RBM6: variants seen among roughly 807,000 people sequenced by gnomAD.
RBM6 encodes RNA-binding protein 6.
Under a neutral mutation model 140.4 loss-of-function variants are expected in RBM6, and 23 were observed. The observed-to-expected ratio is 0.16, with a 90% confidence interval of 0.12 to 0.23. The LOEUF (loss-of-function observed/expected upper bound fraction) is 0.23, where lower values mean the gene tolerates loss of function less well. Ranked by LOEUF, RBM6 falls within the 10% of genes least tolerant of loss-of-function variation. The pLI is 1.00. For synonymous variants in RBM6, 439 were observed against 475.6 expected (o/e 0.92, Z 1.00); for missense variants, 1,139 against 1,386.7 (o/e 0.82, Z 2.84).
rs779354599 is a variant in RBM6 at position 50,058,417 on chromosome 3, G to A, written c.1985G>A (p.Arg662His). Residue 662 changes from arginine (R) to histidine (H), a missense_variant, in exon 10 of 21, where the codon CGT becomes CAT. Coordinates refer to ENST00000266022, the MANE Select transcript of RBM6 (RefSeq NM_005777.3). Reference sequence around the variant, plus strand: ...GTTGATTCAGCTATCATGCTAAAGCGTATCTATCGTTCCACACCACCTGAG... The same window carrying A: ...GTTGATTCAGCTATCATGCTAAAGCATATCTATCGTTCCACACCACCTGAG... Reference protein sequence around the residue: ...DGESKTIMLKRIYRSTPPEVI... With the variant: ...DGESKTIMLKHIYRSTPPEVI... 1.2e-5 allele frequency: 20 copies of A among 1,610,266 alleles called. No homozygotes were observed. Among genetic ancestry groups the A allele is most frequent in the South Asian group, 4.4e-5 (4 of 91,014 alleles).
rs1334791047 is a variant in RBM6, at chr3:50,061,245, T to C, written c.2353+24T>C. 1.9e-6 allele frequency: 3 copies of C among 1,613,440 alleles called. No individual in the cohort carries two copies. The Admixed American group carries it at 5.0e-5, about 27-fold the overall frequency. ...GTGTAAGTAACCTTTGTTTTATTTC[T>C]GTTGCTCTTTTTTGCTTGACTTGCT... On this transcript the variant is annotated intron_variant, in intron 13 of 20. Transcript: ENST00000266022.
intron 5 of RBM6, among the ~76,000 whole-genome samples, chr3:49,979,272 G>A (rs1459025068): frequency 6.6e-6 from 1 of 152,126 alleles, no homozygotes; most frequent in Non-Finnish European, 1.5e-5. Flanking sequence ...GGCTAAGCGG[G>A]AATGGGGAAC....
chr3:50,007,152 G>C (rs2086619568), intron 6 of RBM6, among the ~76,000 whole-genome samples: 1 of 150,880 alleles, frequency 6.6e-6, no homozygotes, highest in Admixed American at 6.6e-5. Flanking sequence ...GATTGATACG[G>C]ATTATCAGGG....
chr3:49,943,627 A>G (rs34771612), intron 1 of RBM6, among the ~76,000 whole-genome samples: 4,892 of 151,362 alleles, frequency 0.032, 275 homozygotes, highest in African/African-American at 0.11. Flanking sequence ...TTTTATTTTA[A>G]TTTTTTTGTG....
chr3:50,042,191 C>T (rs997567112), intron 6 of RBM6, among the ~76,000 whole-genome samples: 3 of 152,190 alleles, frequency 2.0e-5, no homozygotes, highest in Non-Finnish European at 4.4e-5. Context: ...TTGGAAGAAA[C>T]ACAAAACAAT....
At position 50,041,292 on chromosome 3, in the gene RBM6, T is replaced by A. The variant is rs566406678; in HGVS notation, c.1558-6953T>A. Among the ~76,000 whole-genome samples the A allele has an allele frequency of 1.5e-4, 23 of 152,230 alleles. No homozygotes were observed. The East Asian group carries it at 3.1e-3, about 20-fold the overall frequency. On this transcript the variant is annotated intron_variant, in intron 6 of 20. Transcript: ENST00000266022. Reference sequence around the variant, plus strand: ...CTGGATGCTCAAAGTGCAGCTCAGATCCTGTTGGGTAAAAAGTCTAGTCAA... The same window carrying A: ...CTGGATGCTCAAAGTGCAGCTCAGAACCTGTTGGGTAAAAAGTCTAGTCAA...
chr3:50,021,213 G>A (rs1257508608), intron 6 of RBM6, among the ~76,000 whole-genome samples: 3 of 152,064 alleles, frequency 2.0e-5, no homozygotes, highest in South Asian at 4.1e-4. Flanking sequence ...CTGTTATTTT[G>A]ATGCGTATCC....
chr3:49,946,335 G>T (rs1363228863), intron 1 of RBM6, among the ~76,000 whole-genome samples: 2 of 151,960 alleles, frequency 1.3e-5, no homozygotes, highest in East Asian at 3.9e-4. Flanking sequence ...CCACCTCCCG[G>T]GTTCAAGCGA....
At chr3:49,945,609 C>T (rs1248288923) in intron 1 of RBM6, among the ~76,000 whole-genome samples, 1 of 151,894 alleles carries the variant, frequency 6.6e-6, no homozygotes, top group Non-Finnish European at 1.5e-5. Flanking sequence ...GGGCTGGGCG[C>T]GGGTGGCTCA....
chr3:49,945,167 G>A (rs1052572824), intron 1 of RBM6, among the ~76,000 whole-genome samples: 3 of 146,300 alleles, frequency 2.1e-5, no homozygotes, highest in African/African-American at 7.6e-5. Flanking sequence ...GAGCCACCGC[G>A]CCCGGCCAAT....
chr3:50,030,285 T>TAA lies in RBM6; in HGVS notation c.1558-17960_1558-17959insAA, dbSNP rs1575744213. ...GTGACAGAGTGAGACTCTTTTTGTC[T>TAA]TAAAAAAAAAAAAAAAAAAAAAAAA... On this transcript the variant is annotated intron_variant, in intron 6 of 20. Coordinates refer to ENST00000266022, the MANE Select transcript of RBM6 (RefSeq NM_005777.3). Among the ~76,000 whole-genome samples, 8 of 81,284 alleles carry TAA rather than the reference T, an allele frequency of 9.8e-5. No individual in the cohort carries two copies. The East Asian group carries it at 2.4e-3, about 24-fold the overall frequency. 53.3% of individuals were successfully genotyped at this position (81,284 alleles called of 152,430 possible).
intron 2 of RBM6, among the ~76,000 whole-genome samples, chr3:49,966,278 C>T (rs1229411090): frequency 6.6e-6 from 1 of 152,176 alleles, no homozygotes; most frequent in African/African-American, 2.4e-5. Context: ...TTCTGGGAGG[C>T]AAGAATTGAG....
At chr3:49,959,641 GC>G (rs2084190898) in intron 1 of RBM6, among the ~76,000 whole-genome samples, 1 of 147,618 alleles carries the variant, frequency 6.8e-6, no homozygotes, top group Non-Finnish European at 1.5e-5. Flanking sequence ...TGTGACCTCG[GC>G]TCACTGCAAC....
intron 18 of RBM6, 87 bp from the exon 19 acceptor site, chr3:50,070,368 T>A: frequency 1.0e-6 from 1 of 955,106 alleles, no homozygotes; most frequent in Admixed American, 1.9e-5. Context: ...AAAAAAATAA[T>A]AATAATAACA....
chr3:49,965,326 C>T (rs758016574), intron 2 of RBM6, among the ~76,000 whole-genome samples: 37 of 152,172 alleles, frequency 2.4e-4, no homozygotes, highest in Non-Finnish European at 3.8e-4. Flanking sequence ...ATGAGAGACA[C>T]TGTATTTAGT....
At chr3:49,955,345 A>AT (rs34409489) in intron 1 of RBM6, among the ~76,000 whole-genome samples, 1 of 148,178 alleles carries the variant, frequency 6.7e-6, no homozygotes, top group Non-Finnish European at 1.5e-5. Flanking sequence ...TAATTTTCGT[A>AT]TTTTTTTGTA....
chr3:50,064,311 T>TA (rs1169009499), intron 15 of RBM6, among the ~76,000 whole-genome samples: 2 of 152,238 alleles, frequency 1.3e-5, no homozygotes, highest in East Asian at 1.9e-4. Flanking sequence ...TTTAAAAACT[T>TA]AGAGTCATAC....
chr3:49,999,662 CT>C, intron 6 of RBM6, 149 bp downstream of exon 6: 2 of 694,466 alleles, frequency 2.9e-6, no homozygotes, highest in Non-Finnish European at 4.9e-6. Context: ...TGAGGAAAAT[CT>C]TTAAAAAGGC....
chr3:50,032,784 G>A lies in RBM6; in HGVS notation c.1558-15461G>A, dbSNP rs550648308. Among the ~76,000 whole-genome samples, 6 of 151,966 alleles carry A rather than the reference G, an allele frequency of 3.9e-5. No individual in the cohort carries two copies. The South Asian group carries it at 1.2e-3, about 32-fold the overall frequency. Reference sequence around the variant, plus strand: ...GGTGGATCACCTAAGGTCAGAGTTCGAGACTAGCCTGGCCAACATGGGGAA... The same window carrying A: ...GGTGGATCACCTAAGGTCAGAGTTCAAGACTAGCCTGGCCAACATGGGGAA... On this transcript the variant is annotated intron_variant, in intron 6 of 20. Coordinates refer to ENST00000266022, the MANE Select transcript of RBM6 (RefSeq NM_005777.3).
Sources: gnomAD v4.1 joint callset for allele counts (sites outside exome capture counted in the v4.1 genomes callset) on GRCh38, gnomAD v4.1.1 for gene constraint, MANE v1.5 for transcripts, NCBI Gene and HGNC (gene_info 2026-07-23, HGNC 2026-07-21) for gene names.